Variants in CNIH3 observed in about 807,000 individuals in gnomAD.
CNIH3 encodes cornichon family AMPA receptor auxiliary protein 3, also known as protein cornichon homolog 3.
In CNIH3, 14 loss-of-function variants were observed where a neutral mutation model predicts 24.1. The observed-to-expected ratio is 0.58, with a 90% CI of 0.38 to 0.91. The LOEUF (loss-of-function observed/expected upper bound fraction) is 0.91. Among genes scored for constraint, CNIH3 ranks in the 40% least tolerant of loss-of-function variants. The pLI, the probability that CNIH3 is intolerant of heterozygous loss-of-function variation, is 0.00. For missense variants in CNIH3, 178 were observed against 196.8 expected, an observed-to-expected ratio of 0.90 and a Z score of 0.57; for synonymous variants, 68 against 73.8, an observed-to-expected ratio of 0.92 and a Z score of 0.40.
At chr1:224,454,028 A>G (rs1042380169) in intron 1 of CNIH3, among the ~76,000 whole-genome samples, 1 of 152,216 alleles carries the variant, frequency 6.6e-6, no homozygotes, top group African/African-American at 2.4e-5. Flanking sequence ...GATGGTAATC[A>G]TGACAGCACA....
chr1:224,720,509 G>T (rs1688664493), intron 3 of CNIH3, among the ~76,000 whole-genome samples: 1 of 152,290 alleles, frequency 6.6e-6, no homozygotes, highest in South Asian at 2.1e-4. Flanking sequence ...GCAGAGTTGG[G>T]CTTCCTTCCC....
At chr1:224,706,736 A>G (rs1687831304) in intron 3 of CNIH3, among the ~76,000 whole-genome samples, 1 of 152,164 alleles carries the variant, frequency 6.6e-6, no homozygotes, top group Admixed American at 6.6e-5. Flanking sequence ...CCTCAATGCC[A>G]CAAAGTGGTA....
At chr1:224,488,626 C>T (rs12030141) in intron 1 of CNIH3, among the ~76,000 whole-genome samples, 81,986 of 151,892 alleles carry the variant, frequency 0.54, 25,521 homozygotes, top group East Asian at 0.93. Flanking sequence ...CCACCATGCC[C>T]GGCTAATTTT....
upstream of CNIH3, among the ~76,000 whole-genome samples, chr1:224,513,363 AGG>A (rs1393338672): frequency 1.1e-4 from 6 of 53,908 alleles, no homozygotes; most frequent in African/African-American, 2.9e-4. Context: ...TGGGGGTGGG[AGG>A]GGGGGGGTCT....
At chr1:224,668,102 G>C (rs1166639524) in intron 1 of CNIH3, among the ~76,000 whole-genome samples, 1 of 152,076 alleles carries the variant, frequency 6.6e-6, no homozygotes, top group Non-Finnish European at 1.5e-5. Flanking sequence ...GGAGCAAAAG[G>C]GCTAATGGCA....
At chr1:224,707,741 G>A (rs1296023523) in intron 3 of CNIH3, among the ~76,000 whole-genome samples, 1 of 152,146 alleles carries the variant, frequency 6.6e-6, no homozygotes, top group Non-Finnish European at 1.5e-5. Flanking sequence ...GAGCAACATG[G>A]CCGAGAACCC....
At chr1:224,438,222 CTTT>C (rs774066856) in intron 1 of CNIH3, among the ~76,000 whole-genome samples, 1 of 143,162 alleles carries the variant, frequency 7.0e-6, no homozygotes. Flanking sequence ...CCATGCTGGC[CTTT>C]TTTTTTTTTT....
intron 1 of CNIH3, among the ~76,000 whole-genome samples, chr1:224,666,214 T>C (rs973860658): frequency 5.9e-5 from 9 of 152,156 alleles, no homozygotes; most frequent in African/African-American, 2.2e-4. Context: ...CATGATGCCC[T>C]TTCCATGAGC....
chr1:224,634,442 G>A (rs1367410924), intron 1 of CNIH3, among the ~76,000 whole-genome samples: 12 of 152,130 alleles, frequency 7.9e-5, no homozygotes, highest in Admixed American at 6.5e-5. Flanking sequence ...GGTGGCACGC[G>A]CCTGTAGTCC....
At chr1:224,544,068 A>G (rs1484533017) in intron 2 of CNIH3, among the ~76,000 whole-genome samples, 1 of 152,098 alleles carries the variant, frequency 6.6e-6, no homozygotes, top group Non-Finnish European at 1.5e-5. Flanking sequence ...CTGTTAAGAG[A>G]TAAGAGGTTC....
At chr1:224,468,824 C>CAAAA in intron 1 of CNIH3, among the ~76,000 whole-genome samples, 1 of 104,480 alleles carries the variant, frequency 9.6e-6, no homozygotes, top group Admixed American at 9.8e-5. Flanking sequence ...GACCCTGTCT[C>CAAAA]AAAAAAAAAA....
intron 1 of CNIH3, among the ~76,000 whole-genome samples, chr1:224,508,660 A>G (rs189115936): frequency 1.4e-4 from 21 of 152,260 alleles, no homozygotes; most frequent in Non-Finnish European, 1.9e-4. Context: ...AACTTCAATG[A>G]TATCCCATTA....
At chr1:224,687,827 C>T (rs1162217324) in intron 3 of CNIH3, among the ~76,000 whole-genome samples, 2 of 152,228 alleles carry the variant, frequency 1.3e-5, no homozygotes, top group South Asian at 2.1e-4. Context: ...TCCACCTCCT[C>T]GAGAAGTTTT....
chr1:224,628,717 T>G (rs1391925188), intron 1 of CNIH3, among the ~76,000 whole-genome samples: 1 of 151,842 alleles, frequency 6.6e-6, no homozygotes, highest in Non-Finnish European at 1.5e-5. Flanking sequence ...GCCAGGGCAC[T>G]CGAAAGTTAA....
intron 1 of CNIH3, among the ~76,000 whole-genome samples, chr1:224,457,281 G>C (rs920203913): frequency 1.3e-4 from 11 of 82,530 alleles, no homozygotes; most frequent in African/African-American, 4.9e-4. Context: ...CTCTCTGTGT[G>C]TGTGTGTGTG....
intron 1 of CNIH3, among the ~76,000 whole-genome samples, chr1:224,463,775 T>TTATTTA (rs1558083153): frequency 4.3e-4 from 6 of 14,018 alleles, no homozygotes; most frequent in African/African-American, 1.0e-3. Flanking sequence ...TTGTCCTCAT[T>TTATTTA]TTTTTTTTTT....
At chr1:224,498,332 T>C (rs1388356930) in intron 1 of CNIH3, among the ~76,000 whole-genome samples, 1 of 152,146 alleles carries the variant, frequency 6.6e-6, no homozygotes, top group Non-Finnish European at 1.5e-5. Flanking sequence ...GCAACACTAA[T>C]GAATCACTGC....
At chr1:224,438,622 A>G (rs1005261906) in intron 1 of CNIH3, among the ~76,000 whole-genome samples, 4 of 152,166 alleles carry the variant, frequency 2.6e-5, no homozygotes, top group Admixed American at 1.3e-4. Context: ...TTATATTTAT[A>G]TCTCCAGCTT....
chr1:224,630,011 A>G (rs1052255700), intron 1 of CNIH3, among the ~76,000 whole-genome samples: 9 of 151,948 alleles, frequency 5.9e-5, no homozygotes, highest in African/African-American at 2.2e-4. Flanking sequence ...ATTGAAGACA[A>G]CTCTTGGGCT....
Sources: gnomAD v4.1 joint callset for allele counts (sites outside exome capture counted in the v4.1 genomes callset) on GRCh38, gnomAD v4.1.1 for gene constraint, MANE v1.5 for transcripts, NCBI Gene and HGNC (gene_info 2026-07-23, HGNC 2026-07-21) for gene names.